The following TKT variants were observed in gnomAD, a reference collection of about 807,000 sequenced individuals.
The protein encoded by TKT is transketolase.
A neutral mutation model predicts 63.9 loss-of-function variants in TKT; 47 were observed. That is an observed-to-expected ratio of 0.74 (90% confidence interval 0.58 to 0.94). The LOEUF (loss-of-function observed/expected upper bound fraction) is 0.94, where lower values mean the gene tolerates loss of function less well. Among genes scored for constraint, TKT ranks in the 40% least tolerant of loss-of-function variants. The pLI is 0.00. For missense variants in TKT, 721 were observed against 846.2 expected (o/e 0.85, Z 1.84); for synonymous variants, 338 against 334.1 (o/e 1.01, Z -0.13).
In TKT at chr3:53,241,061, C is replaced by T. The variant is rs189344302; in HGVS notation, c.339+71G>A. On this transcript the variant is annotated intron_variant, in intron 3 of 13. Transcript: ENST00000462138. Reference sequence around the variant, plus strand: ...TTGGCTTCTCAGTGGGCACCCCCTACCCCCGTCCCACATGTCTGGGAAATA... The same window carrying T: ...TTGGCTTCTCAGTGGGCACCCCCTATCCCCGTCCCACATGTCTGGGAAATA... 1,755 of 1,352,302 alleles carry T rather than the reference C, an allele frequency of 1.3e-3. 2 individuals are homozygous for T. Among genetic ancestry groups the T allele is most frequent in the Non-Finnish European group, 1.6e-3 (1,622 of 1,008,104 alleles). 83.8% of individuals were successfully genotyped at this position (1,352,302 alleles called of 1,614,324 possible). A position where few individuals can be genotyped will look rare whatever the true frequency, so the allele number is the denominator to read the frequency against.
At chr3:53,249,845 A>T (rs563638225) in intron 1 of TKT, among the ~76,000 whole-genome samples, 60 of 152,196 alleles carry the variant, frequency 3.9e-4, no homozygotes, top group African/African-American at 1.3e-3. Flanking sequence ...TGACCTCTAG[A>T]AGTGTCCCCA....
At chr3:53,233,083 G>GAGGGT in intron 6 of TKT, 73 bp downstream of exon 6, 1 of 1,292,276 alleles carries the variant, frequency 7.7e-7, no homozygotes, top group Non-Finnish European at 1.1e-6. Context: ...CCCTGGATGT[G>GAGGGT]CGGGTCAGAG....
In TKT at chr3:53,228,148, AC is replaced by A; in HGVS notation, c.1480del (p.Val494TrpfsTer3). The A allele has an allele frequency of 6.2e-7, 1 of 1,614,048 alleles. No homozygotes were observed. Among genetic ancestry groups the A allele is most frequent in the Non-Finnish European group, 8.5e-7 (1 of 1,179,984 alleles). ...CTGGTCATCCTTGCTCTTCAGGACC[AC>A]CTGGGGGTGACACAGAGGGTGAGTA... is the stretch of plus-strand genomic sequence containing the variant. ...NEDFQVGQAK[V>X]VLKSKDDQVT... is the part of the protein sequence containing the mutation. On this transcript the variant is annotated frameshift_variant and splice_region_variant, in exon 12 of 14. Transcript: ENST00000462138. LOFTEE classifies it high-confidence loss of function.
At chr3:53,235,428 CAG>C (rs371347500) in intron 4 of TKT, 44 of 406,748 alleles carry the variant, frequency 1.1e-4, no homozygotes, top group Middle Eastern at 1.3e-3. Context: ...TGTTAAGAAA[CAG>C]AGGTCTAGGA....
At chr3:53,239,398 C>A (rs1441689070) in intron 4 of TKT, among the ~76,000 whole-genome samples, 1 of 151,966 alleles carries the variant, frequency 6.6e-6, no homozygotes, top group Non-Finnish European at 1.5e-5. Context: ...AATCTTGAAG[C>A]CCTAGGCTCA....
intron 12 of TKT, chr3:53,227,823 T>C: frequency 2.1e-6 from 1 of 471,154 alleles, no homozygotes; most frequent in East Asian, 4.1e-5. Context: ...GTCTCGACTT[T>C]AGAGTCATAG....
At chr3:53,253,304 C>T (rs1705837439) in intron 1 of TKT, among the ~76,000 whole-genome samples, 1 of 151,896 alleles carries the variant, frequency 6.6e-6, no homozygotes, top group African/African-American at 2.4e-5. Flanking sequence ...CTTTCTTTCT[C>T]TCTCTCTCTC....
intron 1 of TKT, among the ~76,000 whole-genome samples, chr3:53,254,629 C>T (rs1553682003): frequency 6.6e-6 from 1 of 152,224 alleles, no homozygotes. Context: ...CCTCACAACC[C>T]TGTCATGAGC....
intron 1 of TKT, among the ~76,000 whole-genome samples, chr3:53,249,539 C>T (rs537083461): frequency 1.2e-4 from 19 of 152,122 alleles, no homozygotes; most frequent in African/African-American, 3.4e-4. Context: ...CCAAGATCGC[C>T]GCCCCACTGC....
intron 4 of TKT, 51 bp from the exon 5 acceptor site, chr3:53,235,225 G>T: frequency 6.6e-7 from 1 of 1,504,142 alleles, no homozygotes; most frequent in Non-Finnish European, 8.9e-7. Context: ...GACCCAGCTG[G>T]CTCCCACCCC....
rs2106663632 is a variant in TKT at position 53,229,152 on chromosome 3, A to G, written c.1265-15T>C. ...CCCGTCTTCCCCTGGGGTGTGGGGGAAAGGATATGCAGAAATAAGACCCCT... is the reference window on the plus strand; with the variant it reads ...CCCGTCTTCCCCTGGGGTGTGGGGGGAAGGATATGCAGAAATAAGACCCCT... On this transcript the variant is annotated splice_polypyrimidine_tract_variant and intron_variant, in intron 9 of 13. Transcript: ENST00000462138. The G allele has an allele frequency of 1.9e-6, 3 of 1,613,866 alleles. No homozygotes were observed. Among genetic ancestry groups the G allele is most frequent in the Middle Eastern group, 1.6e-4 (1 of 6,062 alleles).
At chr3:53,231,872 C>A in intron 6 of TKT, 1 of 362,520 alleles carries the variant, frequency 2.8e-6, no homozygotes, top group Non-Finnish European at 5.0e-6. Flanking sequence ...TGTGTCCATT[C>A]TCTTCCTCCC....
intron 10 of TKT, 149 bp downstream of exon 10, chr3:53,228,855 TTTC>T: frequency 8.7e-7 from 1 of 1,148,920 alleles, no homozygotes; most frequent in South Asian, 1.5e-5. Context: ...TATTTCGTTT[TTTC>T]TTGTCTAACT....
intron 4 of TKT, among the ~76,000 whole-genome samples, chr3:53,239,927 C>A (rs1051025507): frequency 2.6e-5 from 4 of 152,072 alleles, no homozygotes; most frequent in Non-Finnish European, 4.4e-5. Context: ...GGGCTGGGGG[C>A]AAAACAGGAA....
In TKT at chr3:53,240,282, C is replaced by T; in HGVS notation, c.406G>A (p.Ala136Thr). 6.2e-7 allele frequency: 1 copy of T among 1,613,410 alleles called. No homozygotes were observed. The highest frequency in any genetic ancestry group is 8.5e-7 in the Non-Finnish European group (1 of 1,179,584). The change falls in exon 4 of 14, where the codon GCC becomes ACC. Residue 136 changes from alanine (A) to threonine (T), a missense_variant. Coordinates refer to ENST00000462138, the MANE Select transcript of TKT (RefSeq NM_001064.4). ...TTGTCGAAGTATTTGCCGGTGTAGG[C>T]CATCCCACAAGCGGCCCCGAGGCCC... ...GQGLGAACGMAYTGKYFDKAS... is the reference protein window; with the variant it reads ...GQGLGAACGMTYTGKYFDKAS...
At position 53,229,343 on chromosome 3, in the gene TKT, G is replaced by C; in HGVS notation, c.1201C>G (p.Arg401Gly). The C allele has an allele frequency of 6.2e-7, 1 of 1,613,932 alleles. No individual in the cohort carries two copies. ...AFFTRAFDQI[R>G]MAAISESNIN... ...TTGCTCTCGGAGATGGCGGCCATGC[G>C]AATCTGGTCAAAGGCCCGCGTGAAG... is the stretch of plus-strand genomic sequence containing the variant. Residue 401 changes from arginine to glycine, a missense_variant, in exon 9 of 14, where the codon CGC becomes GGC. Transcript: ENST00000462138.
intron 1 of TKT, among the ~76,000 whole-genome samples, chr3:53,250,178 C>T (rs1705685806): frequency 6.6e-6 from 1 of 152,198 alleles, no homozygotes; most frequent in Non-Finnish European, 1.5e-5. Context: ...CTGGGGCAAT[C>T]TCAACGGTCA....
chr3:53,251,807 G>A (rs1281048163), intron 1 of TKT, among the ~76,000 whole-genome samples: 1 of 152,034 alleles, frequency 6.6e-6, no homozygotes, highest in Non-Finnish European at 1.5e-5. Context: ...TCCAGACCTG[G>A]TGGGTGACAC....
rs1194342457 is a variant in TKT at position 53,256,022 on chromosome 3, G to A, written c.-80C>T. The A allele has an allele frequency of 7.4e-6, 7 of 951,442 alleles. No individual in the cohort carries two copies. The highest frequency in any genetic ancestry group is 3.8e-5 in the Admixed American group (1 of 26,308). 58.9% of individuals were successfully genotyped at this position (951,442 alleles called of 1,614,324 possible). On this transcript the variant is annotated 5_prime_UTR_variant, in exon 1 of 14. Coordinates refer to ENST00000462138, the MANE Select transcript of TKT (RefSeq NM_001064.4). ...TCCCGCGGCGACAGGCGGCTGCCGA[G>A]GCCGGGCGCGGGGCGGGGGCGCGTT...
Sources: allele counts gnomAD v4.1 joint callset (sites outside exome capture counted in the v4.1 genomes callset), GRCh38; gene constraint gnomAD v4.1.1; transcripts MANE v1.5; gene names NCBI Gene and HGNC (gene_info 2026-07-23, HGNC 2026-07-21).